The following PLCB1 variants were observed in gnomAD, a reference collection of about 807,000 sequenced individuals.
The protein encoded by PLCB1 is phospholipase C beta 1.
PLCB1 carries 46 observed loss-of-function variants against 161.8 expected under a neutral mutation model. The ratio of observed to expected loss-of-function variants is 0.28; its 90% CI spans 0.22 to 0.36. PLCB1 has a LOEUF of 0.36. Ranked by LOEUF, PLCB1 falls within the 10% of genes least tolerant of loss-of-function variation. The pLI is 1.00. For synonymous variants in PLCB1, 517 were observed against 503.7 expected, an observed-to-expected ratio of 1.03 and a Z score of -0.35; for missense variants, 1,016 against 1,472.5, an observed-to-expected ratio of 0.69 and a Z score of 5.07.
At chr20:8,743,318 G>A (rs895802047) in intron 23 of PLCB1, among the ~76,000 whole-genome samples, 1 of 152,190 alleles carries the variant, frequency 6.6e-6, no homozygotes, top group Admixed American at 6.5e-5. Context: ...TGATCATATG[G>A]GTTTTTTTTT....
chr20:8,185,584 CTTATT>C (rs1489379629), intron 2 of PLCB1, among the ~76,000 whole-genome samples: 3 of 123,770 alleles, frequency 2.4e-5, no homozygotes, highest in East Asian at 2.1e-4. Flanking sequence ...TTATTTATTA[CTTATT>C]TTATATATAT....
chr20:8,213,118 T>C (rs775775883), intron 2 of PLCB1, among the ~76,000 whole-genome samples: 4 of 152,132 alleles, frequency 2.6e-5, no homozygotes, highest in Non-Finnish European at 4.4e-5. Flanking sequence ...AAAAAGTGTG[T>C]TCACTAATTC....
At chr20:8,683,886 CA>C (rs1990280565) in intron 9 of PLCB1, among the ~76,000 whole-genome samples, 3 of 151,660 alleles carry the variant, frequency 2.0e-5, no homozygotes, top group Non-Finnish European at 2.9e-5. Flanking sequence ...TATTTGAAAA[CA>C]CCTTTTTTTT....
chr20:8,572,220 A>G (rs1986545415), intron 3 of PLCB1, among the ~76,000 whole-genome samples: 1 of 152,186 alleles, frequency 6.6e-6, no homozygotes, highest in African/African-American at 2.4e-5. Flanking sequence ...GAACTACTGT[A>G]CAAAACTAGT....
chr20:8,768,951 T>C (rs183632127), intron 26 of PLCB1, among the ~76,000 whole-genome samples: 1 of 152,364 alleles, frequency 6.6e-6, no homozygotes, highest in Admixed American at 6.5e-5. Flanking sequence ...TTTGAATATC[T>C]TTTGCAGGTA....
chr20:8,399,099 T>A (rs1978430476), intron 3 of PLCB1, among the ~76,000 whole-genome samples: 1 of 151,586 alleles, frequency 6.6e-6, no homozygotes, highest in South Asian at 2.1e-4. Flanking sequence ...TTTTTTCTAG[T>A]ATGACTTCGT....
intron 2 of PLCB1, among the ~76,000 whole-genome samples, chr20:8,315,682 T>C (rs1453662227): frequency 1.3e-5 from 2 of 152,182 alleles, no homozygotes; most frequent in Non-Finnish European, 2.9e-5. Context: ...CTGCCTACTT[T>C]CATTAAGTTT....
intron 3 of PLCB1, among the ~76,000 whole-genome samples, chr20:8,594,184 A>G (rs1016160440): frequency 2.6e-5 from 4 of 152,166 alleles, no homozygotes; most frequent in Non-Finnish European, 5.9e-5. Flanking sequence ...TACAGGCATG[A>G]ACCCTCATGC....
At chr20:8,558,145 A>C (rs897646545) in intron 3 of PLCB1, among the ~76,000 whole-genome samples, 1 of 151,940 alleles carries the variant, frequency 6.6e-6, no homozygotes, top group Non-Finnish European at 1.5e-5. Flanking sequence ...ATTTAATTAC[A>C]CATTTTAAAA....
chr20:8,745,402 T>C (rs1353930338), intron 23 of PLCB1, among the ~76,000 whole-genome samples: 3 of 152,218 alleles, frequency 2.0e-5, no homozygotes, highest in Non-Finnish European at 4.4e-5. Context: ...TTTAATGTGA[T>C]GCTTGTAAAG....
chr20:8,225,827 C>T (rs774635968), intron 2 of PLCB1, among the ~76,000 whole-genome samples: 10 of 152,182 alleles, frequency 6.6e-5, no homozygotes, highest in Non-Finnish European at 1.5e-5. Context: ...ACAGCTGACA[C>T]GATTAGGTGT....
chr20:8,186,763 C>T (rs1257975452), intron 2 of PLCB1, among the ~76,000 whole-genome samples: 1 of 152,124 alleles, frequency 6.6e-6, no homozygotes, highest in Non-Finnish European at 1.5e-5. Flanking sequence ...GCTGACAGAG[C>T]CCTCAGACTG....
In PLCB1 at chr20:8,834,810, G is replaced by GAAAA. The variant is rs10568816; in HGVS notation, c.3423+44573_3423+44576dup. ...AGCCTGGGCGATAGACTCTGCCTCAGAAAAAAAAAAAAAAAAAAAAAAAAA... is the reference window on the plus strand; with the variant it reads ...AGCCTGGGCGATAGACTCTGCCTCAGAAAAAAAAAAAAAAAAAAAAAAAAAAAAA... On this transcript the variant is annotated intron_variant, in intron 31 of 31. Transcript: ENST00000338037. Among the ~76,000 whole-genome samples, 24 of 85,582 alleles carry GAAAA rather than the reference G, an allele frequency of 2.8e-4. 1 individual carries two copies. The highest frequency in any genetic ancestry group is 1.0e-3 in the African/African-American group (22 of 21,638). 56.1% of individuals were successfully genotyped at this position (85,582 alleles called of 152,430 possible). A position where few individuals can be genotyped will look rare whatever the true frequency, so the allele number is the denominator to read the frequency against.
At chr20:8,181,380 A>G (rs1031848545) in intron 2 of PLCB1, among the ~76,000 whole-genome samples, 8 of 152,104 alleles carry the variant, frequency 5.3e-5, no homozygotes, top group African/African-American at 1.9e-4. Flanking sequence ...GCCATTGTGC[A>G]TCTTCAGATT....
intron 2 of PLCB1, among the ~76,000 whole-genome samples, chr20:8,255,071 G>A (rs986397380): frequency 6.6e-6 from 1 of 152,006 alleles, no homozygotes; most frequent in Non-Finnish European, 1.5e-5. Flanking sequence ...TCAACCCTTA[G>A]GCAAGTACTT....
At chr20:8,490,617 T>G (rs1982904776) in intron 3 of PLCB1, among the ~76,000 whole-genome samples, 1 of 152,186 alleles carries the variant, frequency 6.6e-6, no homozygotes, top group Non-Finnish European at 1.5e-5. Context: ...TTGCTCCACT[T>G]TCTTACTAAC....
chr20:8,165,851 T>C (rs950580927), intron 2 of PLCB1, among the ~76,000 whole-genome samples: 1 of 152,158 alleles, frequency 6.6e-6, no homozygotes, highest in Non-Finnish European at 1.5e-5. Context: ...CTCTGCCTCC[T>C]GGAGAAGAGA....
At chr20:8,279,014 G>A (rs1044517836) in intron 2 of PLCB1, among the ~76,000 whole-genome samples, 1 of 151,814 alleles carries the variant, frequency 6.6e-6, no homozygotes, top group Non-Finnish European at 1.5e-5. Context: ...GCAAGTGTTG[G>A]CAAGGATGTA....
intron 3 of PLCB1, among the ~76,000 whole-genome samples, chr20:8,526,861 A>C (rs1307946865): frequency 1.3e-5 from 2 of 152,092 alleles, no homozygotes; most frequent in African/African-American, 4.8e-5. Flanking sequence ...TAATGCAAAA[A>C]ACTATGCCTG....
Sources: gnomAD v4.1 joint callset for allele counts (sites outside exome capture counted in the v4.1 genomes callset) on GRCh38, gnomAD v4.1.1 for gene constraint, MANE v1.5 for transcripts, NCBI Gene and HGNC (gene_info 2026-07-23, HGNC 2026-07-21) for gene names.